GPC5: variants seen among roughly 807,000 people sequenced by gnomAD.
GPC5 encodes the protein glypican 5, also known as glypican-5.
A neutral mutation model predicts 53.9 loss-of-function variants in GPC5; 47 were observed. That is an observed-to-expected ratio of 0.87 (90% CI 0.69 to 1.11). The LOEUF (loss-of-function observed/expected upper bound fraction) is 1.11. GPC5 is among the 50% of genes most tolerant of loss of function. The pLI is 0.00. For missense variants in GPC5, 748 were observed against 713.1 expected, an observed-to-expected ratio of 1.05 and a Z score of -0.56; for synonymous variants, 286 against 263.3, an observed-to-expected ratio of 1.09 and a Z score of -0.84.
chr13:92,298,142 A>C (rs1479320344), intron 7 of GPC5, among the ~76,000 whole-genome samples: 1 of 151,930 alleles, frequency 6.6e-6, no homozygotes, highest in African/African-American at 2.4e-5. Context: ...CTCCCACACA[A>C]TCCGAAGGGC....
At chr13:91,636,721 G>A (rs976723260) in intron 2 of GPC5, among the ~76,000 whole-genome samples, 3 of 152,122 alleles carry the variant, frequency 2.0e-5, no homozygotes, top group Non-Finnish European at 4.4e-5. Context: ...TTGGGAGACT[G>A]AGGTAGGAGG....
chr13:92,437,077 G>T (rs964694146), intron 7 of GPC5, among the ~76,000 whole-genome samples: 7 of 152,268 alleles, frequency 4.6e-5, no homozygotes, highest in African/African-American at 1.2e-4. Flanking sequence ...AGAACAGCAG[G>T]TGGTTTGAAT....
At chr13:91,447,828 C>T (rs575979931) in intron 1 of GPC5, among the ~76,000 whole-genome samples, 1 of 151,908 alleles carries the variant, frequency 6.6e-6, no homozygotes, top group South Asian at 2.1e-4. Context: ...CCGTATTAGG[C>T]CATTATGTAA....
chr13:92,724,934 A>G (rs1320796074), intron 7 of GPC5, among the ~76,000 whole-genome samples: 1 of 150,038 alleles, frequency 6.7e-6, no homozygotes, highest in East Asian at 2.0e-4. Flanking sequence ...ACAAGAGAGT[A>G]GCTAAGATCT....
At chr13:92,485,335 A>G (rs964510112) in intron 7 of GPC5, among the ~76,000 whole-genome samples, 7 of 152,208 alleles carry the variant, frequency 4.6e-5, no homozygotes, top group Admixed American at 4.6e-4. Flanking sequence ...TGTTAAACAA[A>G]TATTTTTGGG....
At chr13:91,908,769 T>A (rs2039580936) in intron 6 of GPC5, among the ~76,000 whole-genome samples, 1 of 150,806 alleles carries the variant, frequency 6.6e-6, no homozygotes, top group African/African-American at 2.4e-5. Flanking sequence ...GAAAGGCTAT[T>A]TTTTTTTTAG....
In GPC5 at chr13:91,728,630, A is replaced by G; in HGVS notation, c.1119A>G (p.Thr373=). 6.2e-7 allele frequency: 1 copy of G among 1,613,302 alleles called. No homozygotes were observed. Residue 373 remains threonine (T), a synonymous_variant, in exon 4 of 8, where the codon ACA becomes ACG. Transcript: ENST00000377067. The part of the protein sequence containing the change: ...SKEKHGMKTT[T]RNSEETLANR... ...AGAAGCATGGAATGAAGACCACCAC[A>G]AGGAACAGTGAAGAGACGCTTGCCA... is the stretch of plus-strand genomic sequence containing the variant.
At chr13:91,487,951 T>A (rs1883710357) in intron 2 of GPC5, among the ~76,000 whole-genome samples, 1 of 150,486 alleles carries the variant, frequency 6.6e-6, no homozygotes, top group Non-Finnish European at 1.5e-5. Flanking sequence ...TTTACGGGGA[T>A]ACTTACAATA....
At chr13:92,758,924 T>C (rs1875031182) in intron 7 of GPC5, among the ~76,000 whole-genome samples, 3 of 151,088 alleles carry the variant, frequency 2.0e-5, no homozygotes, top group Admixed American at 2.0e-4. Context: ...AAAAGAAGGG[T>C]CCAATTTCAT....
At chr13:92,011,394 C>T (rs2040660334) in intron 6 of GPC5, among the ~76,000 whole-genome samples, 1 of 152,164 alleles carries the variant, frequency 6.6e-6, no homozygotes, top group Non-Finnish European at 1.5e-5. Context: ...TCTGAAAAGT[C>T]AAAGTCACAG....
chr13:91,556,421 T>C (rs2030950220), intron 2 of GPC5, among the ~76,000 whole-genome samples: 2 of 152,022 alleles, frequency 1.3e-5, no homozygotes, highest in South Asian at 4.1e-4. Context: ...AAAATATACT[T>C]GCACACCCAT....
intron 6 of GPC5, among the ~76,000 whole-genome samples, chr13:91,957,965 C>T (rs933725780): frequency 1.3e-5 from 2 of 151,800 alleles, no homozygotes; most frequent in Non-Finnish European, 2.9e-5. Context: ...AAGAAATGAA[C>T]AAAAGATAAA....
chr13:91,696,616 C>T (rs2035884090), intron 3 of GPC5, among the ~76,000 whole-genome samples: 1 of 152,092 alleles, frequency 6.6e-6, no homozygotes, highest in South Asian at 2.1e-4. Context: ...TCTAGTACTT[C>T]CAAGTCTACT....
intron 7 of GPC5, among the ~76,000 whole-genome samples, chr13:92,596,622 C>T (rs562811582): frequency 1.6e-4 from 24 of 152,094 alleles, no homozygotes; most frequent in East Asian, 7.8e-4. Flanking sequence ...AACATGCGCA[C>T]GCCACCACCC....
chr13:92,572,588 C>T (rs1883064159), intron 7 of GPC5, among the ~76,000 whole-genome samples: 1 of 152,112 alleles, frequency 6.6e-6, no homozygotes, highest in Non-Finnish European at 1.5e-5. Flanking sequence ...AATAAAATGA[C>T]ATTAGGGTTT....
intron 7 of GPC5, among the ~76,000 whole-genome samples, chr13:92,836,528 C>T (rs1006141263): frequency 1.3e-5 from 2 of 152,150 alleles, no homozygotes; most frequent in East Asian, 1.9e-4. Flanking sequence ...TTATGACATA[C>T]AAATTTAGTT....
chr13:92,094,597 T>C (rs1397401787), intron 6 of GPC5, among the ~76,000 whole-genome samples: 1 of 150,664 alleles, frequency 6.6e-6, no homozygotes, highest in African/African-American at 2.4e-5. Flanking sequence ...AAAATCTAAA[T>C]TGACTCCCTA....
rs565743702 is a variant in GPC5 at position 92,187,109 on chromosome 13, T to A, written c.1561+42120T>A. 3.8e-5 allele frequency among the ~76,000 whole-genome samples: 5 copies of A among 130,966 alleles called. No individual in the cohort carries two copies. The East Asian group carries it at 1.7e-3, about 46-fold the overall frequency. The allele number at this position is 130,966 out of a possible 152,430, so 85.9% of individuals were successfully genotyped here. A position where few individuals can be genotyped will look rare whatever the true frequency, so the allele number is the denominator to read the frequency against. Reference sequence around the variant, plus strand: ...CCTGGGTGACAAGAGCAAAACTCCATCTCAAAAAAAAAAAAAATTACTTCT... The same window carrying A: ...CCTGGGTGACAAGAGCAAAACTCCAACTCAAAAAAAAAAAAAATTACTTCT... On this transcript the variant is annotated intron_variant, in intron 7 of 7. Transcript: ENST00000377067.
intron 2 of GPC5, among the ~76,000 whole-genome samples, chr13:91,593,322 A>G (rs1355000824): frequency 6.6e-6 from 1 of 152,044 alleles, no homozygotes; most frequent in Non-Finnish European, 1.5e-5. Flanking sequence ...AATTATGTTA[A>G]TTTACTCAAA....
Sources: allele counts gnomAD v4.1 joint callset (sites outside exome capture counted in the v4.1 genomes callset), GRCh38; gene constraint gnomAD v4.1.1; transcripts MANE v1.5; gene names NCBI Gene and HGNC (gene_info 2026-07-23, HGNC 2026-07-21).